The following SUSD4 variants were observed in gnomAD, a reference collection of about 807,000 sequenced individuals.
The protein encoded by SUSD4 is sushi domain-containing protein 4.
Under a neutral mutation model 50.5 loss-of-function variants are expected in SUSD4, and 41 were observed. That is an observed-to-expected ratio of 0.81 (90% confidence interval 0.63 to 1.05). SUSD4 has a LOEUF of 1.05. SUSD4 is among the 50% of genes least tolerant of loss of function. The probability of loss-of-function intolerance (pLI) is 0.00; values close to 1 mark genes in which losing one functional copy is unlikely to be tolerated. For synonymous variants in SUSD4, 257 were observed against 257.3 expected (o/e 1.00, Z 0.01); for missense variants, 580 against 634.7 (o/e 0.91, Z 0.93).
chr1:223,355,326 G>A (rs950346883), intron 2 of SUSD4, among the ~76,000 whole-genome samples: 2 of 151,468 alleles, frequency 1.3e-5, no homozygotes, highest in Non-Finnish European at 2.9e-5. Flanking sequence ...CACCTGCCTC[G>A]GTCTCCCAAA....
At position 223,253,338 on chromosome 1, in the gene SUSD4, CA is replaced by C. The variant is rs764285017; in HGVS notation, c.724+11291del. ...AAAACAACAAAAACTTGCTTCAGTA[CA>C]AAAAAAAAAAGAAAATGATCATGAA... is the stretch of plus-strand genomic sequence containing the variant. On this transcript the variant is annotated intron_variant, in intron 5 of 8. Transcript: ENST00000366878. Among the ~76,000 whole-genome samples, 593 of 98,582 alleles carry C rather than the reference CA, an allele frequency of 6.0e-3. 2 individuals are homozygous for C. The highest frequency in any genetic ancestry group is 0.01 in the Admixed American group (99 of 9,768). 64.7% of individuals were successfully genotyped at this position (98,582 alleles called of 152,430 possible).
intron 3 of SUSD4, chr1:223,289,326 A>C: frequency 1.0e-6 from 1 of 984,092 alleles, no homozygotes; most frequent in Non-Finnish European, 1.2e-6. Flanking sequence ...GGGGGCCATA[A>C]AGTGAATTCA....
chr1:223,296,068 G>A (rs917571650), intron 2 of SUSD4, among the ~76,000 whole-genome samples: 26 of 152,078 alleles, frequency 1.7e-4, no homozygotes, highest in Admixed American at 3.3e-4. Context: ...TGTGTGGGGT[G>A]GGGTGGGGCT....
At chr1:223,358,405 A>C (rs1359323973) in intron 2 of SUSD4, among the ~76,000 whole-genome samples, 2 of 152,238 alleles carry the variant, frequency 1.3e-5, no homozygotes, top group Admixed American at 1.3e-4. Flanking sequence ...GCTAGGTGGC[A>C]ATTTAAGGAC....
chr1:223,223,848 CT>C (rs1198607660), intron 7 of SUSD4, among the ~76,000 whole-genome samples: 3 of 152,224 alleles, frequency 2.0e-5, no homozygotes, highest in African/African-American at 7.2e-5. Flanking sequence ...AGGAGGTTTT[CT>C]TTTTGTCACT....
chr1:223,359,667 C>A (rs1668861709), intron 2 of SUSD4, among the ~76,000 whole-genome samples: 5 of 152,182 alleles, frequency 3.3e-5, no homozygotes, highest in Admixed American at 3.3e-4. Flanking sequence ...GTGCCTGAGA[C>A]ACAAACATGA....
intron 5 of SUSD4, among the ~76,000 whole-genome samples, chr1:223,233,093 AACATTCAGAGAATGTGAAC>A (rs1374791476): frequency 2.6e-5 from 4 of 152,204 alleles, no homozygotes; most frequent in Non-Finnish European, 5.9e-5. Flanking sequence ...GGAAGCCCCA[AACATTCAGAGAATGTGAAC>A]ACATCTCATC....
chr1:223,293,878 C>G (rs1384141741), intron 2 of SUSD4, among the ~76,000 whole-genome samples: 1 of 152,004 alleles, frequency 6.6e-6, no homozygotes, highest in African/African-American at 2.4e-5. Context: ...TTCCAGGCCC[C>G]CCTTTTCAAC....
intron 5 of SUSD4, among the ~76,000 whole-genome samples, chr1:223,239,841 GT>G (rs377395684): frequency 6.6e-6 from 1 of 152,114 alleles, no homozygotes; most frequent in African/African-American, 2.4e-5. Flanking sequence ...AAAAATAAAA[GT>G]TTTAATTTTA....
chr1:223,333,804 C>T (rs1667309561), intron 2 of SUSD4, among the ~76,000 whole-genome samples: 1 of 152,118 alleles, frequency 6.6e-6, no homozygotes, highest in South Asian at 2.1e-4. Context: ...CTGGCTGGGG[C>T]TTCCAGATGA....
intron 3 of SUSD4, among the ~76,000 whole-genome samples, chr1:223,292,036 T>G (rs1487424044): frequency 6.6e-6 from 1 of 152,196 alleles, no homozygotes; most frequent in African/African-American, 2.4e-5. Context: ...AGTAATTGAT[T>G]TAATCCTCTG....
chr1:223,315,413 T>A (rs900569888), intron 2 of SUSD4, among the ~76,000 whole-genome samples: 2 of 152,226 alleles, frequency 1.3e-5, no homozygotes, highest in African/African-American at 4.8e-5. Context: ...ATTGGTCTTT[T>A]GAGATGGCTT....
chr1:223,344,269 G>A (rs1412905891), intron 2 of SUSD4, among the ~76,000 whole-genome samples: 1 of 152,150 alleles, frequency 6.6e-6, no homozygotes. Flanking sequence ...GGCATACATG[G>A]TGTACAAGAT....
rs868244645 is a variant in SUSD4 at position 223,363,378 on chromosome 1, C to CTAT, written c.47_48insATA (p.Gln16_Gln17insTer). On this transcript the variant is annotated stop_gained and inframe_insertion, in exon 2 of 9. Transcript: ENST00000366878. LOFTEE classifies it high-confidence loss of function. ...ACTGAGGTTGCTGCTGCTGCTGCTGCTGCTCTAGAAATCCATCTCCATTGC... is the reference window on the plus strand; with the variant it reads ...ACTGAGGTTGCTGCTGCTGCTGCTGCTATTGCTCTAGAAATCCATCTCCATTGC... 4 of 1,592,616 alleles carry CTAT rather than the reference C, an allele frequency of 2.5e-6. No individual in the cohort carries two copies. The African/African-American group carries it at 5.4e-5, about 21-fold the overall frequency.
chr1:223,352,503 A>G (rs1668422598), intron 2 of SUSD4, among the ~76,000 whole-genome samples: 1 of 152,170 alleles, frequency 6.6e-6, no homozygotes, highest in Non-Finnish European at 1.5e-5. Context: ...CCAGGGGCCC[A>G]TGGGTGGCAA....
At chr1:223,312,058 G>A (rs747412601) in intron 2 of SUSD4, among the ~76,000 whole-genome samples, 3 of 152,274 alleles carry the variant, frequency 2.0e-5, no homozygotes, top group East Asian at 1.9e-4. Flanking sequence ...CAGAAATCAC[G>A]TGCTCCATTT....
intron 5 of SUSD4, among the ~76,000 whole-genome samples, chr1:223,257,329 C>T (rs1379461674): frequency 6.6e-6 from 1 of 151,990 alleles, no homozygotes; most frequent in Non-Finnish European, 1.5e-5. Context: ...AACAACGAGA[C>T]CAAGTCTCTA....
At chr1:223,313,620 G>A (rs987698917) in intron 2 of SUSD4, among the ~76,000 whole-genome samples, 3 of 152,022 alleles carry the variant, frequency 2.0e-5, no homozygotes, top group Non-Finnish European at 2.9e-5. Context: ...GAGACCTACT[G>A]GACTGTATTC....
intron 2 of SUSD4, among the ~76,000 whole-genome samples, chr1:223,299,514 T>G (rs1665046914): frequency 6.6e-6 from 1 of 152,186 alleles, no homozygotes; most frequent in Non-Finnish European, 1.5e-5. Flanking sequence ...CTTCCTAAAT[T>G]TAATTCAGAG....
Sources: gnomAD v4.1 joint callset for allele counts (sites outside exome capture counted in the v4.1 genomes callset) on GRCh38, gnomAD v4.1.1 for gene constraint, MANE v1.5 for transcripts, NCBI Gene and HGNC (gene_info 2026-07-23, HGNC 2026-07-21) for gene names.